The following FRMPD4 variants were observed in gnomAD, a reference collection of about 807,000 sequenced individuals.
FRMPD4 encodes the protein FERM and PDZ domain containing 4.
FRMPD4 carries 22 observed loss-of-function variants against 94.1 expected under a neutral mutation model. The observed-to-expected ratio is 0.23, with a 90% confidence interval of 0.17 to 0.33. The LOEUF (loss-of-function observed/expected upper bound fraction) is 0.33. Ranked by LOEUF, FRMPD4 falls within the 10% of genes least tolerant of loss-of-function variation. The pLI is 1.00. For missense variants in FRMPD4, 1,111 were observed against 1,339.9 expected (o/e 0.83, Z 2.67); for synonymous variants, 631 against 548.6 (o/e 1.15, Z -2.10).
chrX:12,660,789 C>G (rs760393479), intron 4 of FRMPD4, among the ~76,000 whole-genome samples: 2 of 112,184 alleles, frequency 1.8e-5, no homozygotes, highest in East Asian at 5.6e-4. Flanking sequence ...TCACTGGGGT[C>G]TGTCTTGTGG....
chrX:12,695,643 T>G (rs1160584173), intron 9 of FRMPD4, among the ~76,000 whole-genome samples: 2 of 111,998 alleles, frequency 1.8e-5, no homozygotes. Flanking sequence ...GACTTCATGA[T>G]CCACGCACCT....
intron 3 of FRMPD4, among the ~76,000 whole-genome samples, chrX:12,096,557 G>A (rs2055204331): frequency 8.9e-6 from 1 of 111,817 alleles, no homozygotes; most frequent in African/African-American, 3.3e-5. Flanking sequence ...GTAGGAAGTG[G>A]CTGGAATTTT....
intron 1 of FRMPD4, among the ~76,000 whole-genome samples, chrX:12,227,551 A>G: frequency 8.9e-6 from 1 of 111,901 alleles, no homozygotes; most frequent in Non-Finnish European, 1.9e-5. Context: ...CAGTAATTCC[A>G]GCACTTTGGG....
intron 3 of FRMPD4, among the ~76,000 whole-genome samples, chrX:12,117,413 T>C (rs2055418708): frequency 9.0e-6 from 1 of 111,045 alleles, no homozygotes; most frequent in African/African-American, 3.3e-5. Flanking sequence ...ATGTTGCCCG[T>C]AGAGTCTATC....
At chrX:12,163,828 G>A (rs1280382000) in intron 1 of FRMPD4, among the ~76,000 whole-genome samples, 1 of 111,821 alleles carries the variant, frequency 8.9e-6, no homozygotes, top group Non-Finnish European at 1.9e-5. Flanking sequence ...AGAATGAGAG[G>A]TAGCCATGTT....
chrX:12,619,344 T>A (rs965425074), intron 4 of FRMPD4, among the ~76,000 whole-genome samples: 1 of 111,865 alleles, frequency 8.9e-6, no homozygotes, highest in Admixed American at 9.4e-5. Flanking sequence ...GAAATAAGAA[T>A]AAATGATAGG....
chrX:12,233,910 A>G (rs2147782266), intron 1 of FRMPD4, among the ~76,000 whole-genome samples: 1 of 111,849 alleles, frequency 8.9e-6, no homozygotes, highest in African/African-American at 3.2e-5. Context: ...TTGGTGAATT[A>G]AGTTGCCTCC....
intron 1 of FRMPD4, among the ~76,000 whole-genome samples, chrX:12,423,462 T>C (rs1465754979): frequency 9.0e-6 from 1 of 111,482 alleles, no homozygotes; most frequent in Non-Finnish European, 1.9e-5. Flanking sequence ...TCCTTAATTA[T>C]GCTTTTGGCT....
At chrX:12,159,638 G>A (rs1442608437) in intron 1 of FRMPD4, among the ~76,000 whole-genome samples, 1 of 111,937 alleles carries the variant, frequency 8.9e-6, no homozygotes, top group Non-Finnish European at 1.9e-5. Flanking sequence ...GAGAAGATTT[G>A]GAAGATAGAT....
intron 2 of FRMPD4, among the ~76,000 whole-genome samples, chrX:12,586,556 A>G (rs1359139586): frequency 8.9e-6 from 1 of 112,720 alleles, no homozygotes; most frequent in Non-Finnish European, 1.9e-5. Flanking sequence ...CGGACCATGC[A>G]GACATAAGCT....
At chrX:11,840,833 T>A (rs999018289) in intron 1 of FRMPD4, among the ~76,000 whole-genome samples, 2 of 107,622 alleles carry the variant, frequency 1.9e-5, no homozygotes, top group African/African-American at 6.8e-5. Flanking sequence ...CTTGCTGGTG[T>A]GCTGCACCCA....
chrX:11,840,029 G>T (rs1402462641), intron 1 of FRMPD4, among the ~76,000 whole-genome samples: 1 of 111,268 alleles, frequency 9.0e-6, no homozygotes, highest in Non-Finnish European at 1.9e-5. Context: ...CTCTAACTTT[G>T]TTTCTCCTTT....
intron 1 of FRMPD4, among the ~76,000 whole-genome samples, chrX:12,378,959 A>G (rs1430901055): frequency 2.7e-5 from 3 of 111,785 alleles, no homozygotes; most frequent in African/African-American, 9.8e-5. Context: ...TTAAGAATGC[A>G]TTTGGTGTTT....
intron 3 of FRMPD4, among the ~76,000 whole-genome samples, chrX:12,052,939 T>G (rs998539668): frequency 9.0e-6 from 1 of 111,675 alleles, no homozygotes; most frequent in African/African-American, 3.3e-5. Flanking sequence ...AAAAGATTAG[T>G]CTGAGAGTAG....
chrX:12,375,230 T>C (rs1357112038), intron 1 of FRMPD4: 1 of 113,040 alleles, frequency 8.8e-6, no homozygotes, highest in Non-Finnish European at 1.9e-5. Context: ...TATCTATTGC[T>C]GTACAACAAA....
intron 7 of FRMPD4, 142 bp from the exon 8 acceptor site, chrX:12,690,053 G>C (rs1198383198): frequency 4.6e-6 from 2 of 436,936 alleles, no homozygotes; most frequent in African/African-American, 4.9e-5. Context: ...TTGGATATTT[G>C]GAGCATTAAA....
intron 9 of FRMPD4, among the ~76,000 whole-genome samples, chrX:12,700,802 G>A (rs2060180546): frequency 8.9e-6 from 1 of 112,311 alleles, no homozygotes; most frequent in African/African-American, 3.2e-5. Context: ...GCACAGATGA[G>A]TAAACTGAGG....
intron 9 of FRMPD4, among the ~76,000 whole-genome samples, chrX:12,700,023 A>C (rs776191377): frequency 8.9e-6 from 1 of 112,016 alleles, no homozygotes; most frequent in South Asian, 3.8e-4. Context: ...CATGTTGGTC[A>C]GATAATTTCT....
At chrX:11,822,489 A>C (rs1406804523) in exon 1 of FRMPD4, among the ~76,000 whole-genome samples, 2 of 112,143 alleles carry the variant, frequency 1.8e-5, no homozygotes, top group African/African-American at 6.5e-5. Flanking sequence ...TGCTCAGCAA[A>C]AACTGCCTTA....
Sources: allele counts gnomAD v4.1 joint callset (sites outside exome capture counted in the v4.1 genomes callset), GRCh38; gene constraint gnomAD v4.1.1; transcripts MANE v1.5; gene names NCBI Gene and HGNC (gene_info 2026-07-23, HGNC 2026-07-21).